MBL2: variants seen among roughly 807,000 people sequenced by gnomAD.
MBL2 encodes mannose-binding protein C.
MBL2 carries 6 observed loss-of-function variants against 12.7 expected under a neutral mutation model. The ratio of observed to expected loss-of-function variants is 0.47; its 90% confidence interval spans 0.26 to 0.94. The LOEUF is 0.94. Ranked by LOEUF, MBL2 falls within the 40% of genes least tolerant of loss-of-function variation. The pLI is 0.15. For synonymous variants in MBL2, 114 were observed against 112.0 expected (o/e 1.02, Z -0.11); for missense variants, 307 against 295.2 (o/e 1.04, Z -0.29).
Position 52,770,740 on chromosome 10 carries a change from A to G in MBL2, c.234T>C (p.Pro78=). Residue 78 remains proline, a synonymous_variant, in exon 3 of 5, where the codon CCT becomes CCC. Coordinates refer to ENST00000674931, the MANE Select transcript of MBL2 (RefSeq NM_001378373.1). ...ACCCAGAAGGCCCTGGATTTCCTGGAGGCCCCAACTTTCCAGGGGGGCCCT... is the reference window on the plus strand; with the variant it reads ...ACCCAGAAGGCCCTGGATTTCCTGGGGGCCCCAACTTTCCAGGGGGGCCCT... ...GLQGPPGKLG[P]PGNPGPSGSP... 2 of 1,519,786 alleles carry G rather than the reference A, an allele frequency of 1.3e-6. No individual in the cohort carries two copies. The highest frequency in any genetic ancestry group is 2.5e-5 in the East Asian group (1 of 40,210). 94.1% of individuals were successfully genotyped at this position (1,519,786 alleles called of 1,614,324 possible). A position where few individuals can be genotyped will look rare whatever the true frequency, so the allele number is the denominator to read the frequency against.
rs370571813 is a variant in MBL2, at chr10:52,770,760, G to C, written c.214C>G (p.Pro72Ala). The change falls in exon 3 of 5, where the codon CCC becomes GCC. Residue 72 changes from proline (P) to alanine (A), a missense_variant. Pro to Ala is a conservative substitution (Grantham distance 27). Coordinates refer to ENST00000674931, the MANE Select transcript of MBL2 (RefSeq NM_001378373.1). ...PGQGLRGLQG[P>A]PGKLGPPGNP... ...CCTGGAGGCCCCAACTTTCCAGGGG[G>C]GCCCTGTAAGCCTCTGAGCCCTTGG... 2 of 1,509,700 alleles carry C rather than the reference G, an allele frequency of 1.3e-6. No homozygotes were observed. The highest frequency in any genetic ancestry group is 1.8e-6 in the Non-Finnish European group (2 of 1,122,566). 93.5% of individuals were successfully genotyped at this position (1,509,700 alleles called of 1,614,324 possible).
intron 3 of MBL2, among the ~76,000 whole-genome samples, chr10:52,770,338 A>G (rs931497558): frequency 1.3e-5 from 2 of 152,232 alleles, no homozygotes; most frequent in Non-Finnish European, 2.9e-5. Context: ...TTGTAAAAAT[A>G]GGTATAATAA....
chr10:52,769,634 G>A (rs1460075438), intron 3 of MBL2, among the ~76,000 whole-genome samples: 4 of 151,946 alleles, frequency 2.6e-5, no homozygotes, highest in Admixed American at 6.6e-5. Flanking sequence ...CAAATAAATT[G>A]TTCTATCAAA....
At chr10:52,770,845 G>T (rs902359606) in intron 2 of MBL2, 59 bp from the exon 3 acceptor site, 3 of 947,646 alleles carry the variant, frequency 3.2e-6, no homozygotes, top group Non-Finnish European at 4.5e-6. Context: ...CTCTCTTCAA[G>T]AGTTTGATGC....
rs192591672 is a variant in MBL2, at chr10:52,766,600, T to A, written c.*1537A>T. 1.0e-3 allele frequency: 159 copies of A among 152,198 alleles called. No homozygotes were observed. Among genetic ancestry groups the A allele is most frequent in the African/African-American group, 3.8e-3 (158 of 41,552 alleles). The allele number at this position is 152,198 out of a possible 1,614,324, so 9.4% of individuals were successfully genotyped here. A position where few individuals can be genotyped will look rare whatever the true frequency, so the allele number is the denominator to read the frequency against. ...AAAATCATGAAAAATATCTTATGAT[T>A]TTGGGATGGGCAAAAATTTCTTAAA... On this transcript the variant is annotated 3_prime_UTR_variant, in exon 5 of 5. Transcript: ENST00000674931.
At position 52,768,055 on chromosome 10, in the gene MBL2, T is replaced by C; in HGVS notation, c.*82A>G. On this transcript the variant is annotated 3_prime_UTR_variant, in exon 5 of 5. Coordinates refer to ENST00000674931, the MANE Select transcript of MBL2 (RefSeq NM_001378373.1). ...GGAACAATACTGGATATGAGGAAATTGATATAATTTATCTTTTCAAGCATA... is the reference window on the plus strand; with the variant it reads ...GGAACAATACTGGATATGAGGAAATCGATATAATTTATCTTTTCAAGCATA... The C allele has an allele frequency of 2.0e-6, 3 of 1,483,964 alleles. No homozygotes were observed. In the Admixed American group the frequency reaches 7.0e-5, roughly 35 times the overall value. 91.9% of individuals were successfully genotyped at this position (1,483,964 alleles called of 1,614,324 possible).
intron 3 of MBL2, 70 bp from the exon 4 acceptor site, chr10:52,769,385 G>T: frequency 1.3e-6 from 1 of 799,470 alleles, no homozygotes; most frequent in Non-Finnish European, 2.0e-6. Context: ...ATACAAGGGA[G>T]TGGAGTATCT....
In MBL2 at chr10:52,769,873, A is replaced by C. The variant is rs980635589; in HGVS notation, c.305-558T>G. On this transcript the variant is annotated intron_variant, in intron 3 of 4. Transcript: ENST00000674931. ...TCACTTGTTGTAGTAGATGGCAAAAATGGCCTCAATAGGGTACAGCTCCTC... is the reference window on the plus strand; with the variant it reads ...TCACTTGTTGTAGTAGATGGCAAAACTGGCCTCAATAGGGTACAGCTCCTC... Among the ~76,000 whole-genome samples the C allele has an allele frequency of 2.6e-5, 4 of 152,008 alleles. No individual in the cohort carries two copies. In the East Asian group the frequency reaches 7.7e-4, roughly 29 times the overall value.
Position 52,770,746 on chromosome 10 carries a change from C to T in MBL2, c.228G>A (p.Leu76=). The T allele has an allele frequency of 1.3e-6, 2 of 1,520,596 alleles. No individual in the cohort carries two copies. The highest frequency in any genetic ancestry group is 1.8e-6 in the Non-Finnish European group (2 of 1,127,424). 94.2% of individuals were successfully genotyped at this position (1,520,596 alleles called of 1,614,324 possible). The change falls in exon 3 of 5, where the codon TTG becomes TTA. Residue 76 remains leucine (L), a synonymous_variant. Transcript: ENST00000674931. ...LRGLQGPPGK[L]GPPGNPGPSG... ...AAGGCCCTGGATTTCCTGGAGGCCC[C>T]AACTTTCCAGGGGGGCCCTGTAAGC...
Position 52,768,336 on chromosome 10 carries a change from A to C in MBL2, c.548T>G (p.Phe183Cys), listed in dbSNP as rs139637221. 1.7e-5 allele frequency: 27 copies of C among 1,613,718 alleles called. 1 individual carries two copies. The African/African-American group carries it at 3.5e-4, about 21-fold the overall frequency. ...TGTCTTCTCATCAGTGATGCCCAGG[A>C]AGGCTTCCTCCTTGATGAGATTCTG... ...AIQNLIKEEAFLGITDEKTEG... is the reference protein window; with the variant it reads ...AIQNLIKEEACLGITDEKTEG... The change falls in exon 5 of 5, where the codon TTC becomes TGC. Residue 183 changes from phenylalanine to cysteine, a missense_variant. Physicochemically the swap from Phe to Cys is radical, Grantham distance 205 (BLOSUM62 -2). Coordinates refer to ENST00000674931, the MANE Select transcript of MBL2 (RefSeq NM_001378373.1).
Position 52,771,610 on chromosome 10 carries a change from A to G in MBL2, c.26T>C (p.Leu9Pro), listed in dbSNP as rs1049360705. 1.9e-6 allele frequency: 3 copies of G among 1,613,748 alleles called. No homozygotes were observed. The highest frequency in any genetic ancestry group is 2.5e-6 in the Non-Finnish European group (3 of 1,179,856). Reference protein sequence around the residue: MSLFPSLPLLLLSMVAASY... With the variant: MSLFPSLPPLLLSMVAASY... ...CGCTGCCACCATACTCAGGAGAAGG[A>G]GAGGGAGTGATGGAAACAGGGACAT... The change falls in exon 2 of 5, where the codon CTC (leucine) becomes CCC (proline). Residue 9 changes from leucine (L) to proline (P), a missense_variant. Transcript: ENST00000674931.
In MBL2 at chr10:52,767,322, C is replaced by A. The variant is rs56129213; in HGVS notation, c.*815G>T. 1.3e-5 allele frequency: 2 copies of A among 151,964 alleles called. No individual in the cohort carries two copies. The highest frequency in any genetic ancestry group is 2.9e-5 in the Non-Finnish European group (2 of 68,016). The allele number at this position is 151,964 out of a possible 1,614,324, so 9.4% of individuals were successfully genotyped here. ...CTACATGGCAATGAAAAGGATGAAACTTTTGTACACATGACATGAATGAAT... is the reference window on the plus strand; with the variant it reads ...CTACATGGCAATGAAAAGGATGAAAATTTTGTACACATGACATGAATGAAT... On this transcript the variant is annotated 3_prime_UTR_variant, in exon 5 of 5. Transcript: ENST00000674931.
Position 52,772,268 on chromosome 10 carries a change from G to A in MBL2, c.-10+469C>T, listed in dbSNP as rs35451939. ...TTGGTGTTTTAGACAGGCTTGCCTGGGTAAGCATTTTCTCTGGAAATTTCT... is the reference window on the plus strand; with the variant it reads ...TTGGTGTTTTAGACAGGCTTGCCTGAGTAAGCATTTTCTCTGGAAATTTCT... On this transcript the variant is annotated intron_variant, in intron 1 of 4. Transcript: ENST00000674931. Among the ~76,000 whole-genome samples, 322 of 152,172 alleles carry A rather than the reference G, an allele frequency of 2.1e-3. 1 individual carries two copies. Among genetic ancestry groups the A allele is most frequent in the African/African-American group, 7.0e-3 (292 of 41,522 alleles).
At chr10:52,771,814 C>A in intron 1 of MBL2, 170 bp from the exon 2 acceptor site, 1 of 911,126 alleles carries the variant, frequency 1.1e-6, no homozygotes, top group Non-Finnish European at 1.6e-6. Flanking sequence ...CACTGCGTGA[C>A]TAGTACTTTA....
In MBL2 at chr10:52,768,066, A is replaced by G; in HGVS notation, c.*71T>C. Reference sequence around the variant, plus strand: ...GGATATGAGGAAATTGATATAATTTATCTTTTCAAGCATACTGTGGGCCTG... The same window carrying G: ...GGATATGAGGAAATTGATATAATTTGTCTTTTCAAGCATACTGTGGGCCTG... On this transcript the variant is annotated 3_prime_UTR_variant, in exon 5 of 5. Transcript: ENST00000674931. The G allele has an allele frequency of 6.7e-7, 1 of 1,500,028 alleles. No individual in the cohort carries two copies. The highest frequency in any genetic ancestry group is 8.9e-7 in the Non-Finnish European group (1 of 1,121,726). The allele number at this position is 1,500,028 out of a possible 1,614,324, so 92.9% of individuals were successfully genotyped here.
rs1421925166 is a variant in MBL2 at position 52,766,515 on chromosome 10, G to GA, written c.*1621dup. On this transcript the variant is annotated 3_prime_UTR_variant, in exon 5 of 5. Coordinates refer to ENST00000674931, the MANE Select transcript of MBL2 (RefSeq NM_001378373.1). ...AGAATGTTTATTAATAAAACTATTA[G>GA]AAAAAAATGGAAAAATATCTTCATG... The GA allele has an allele frequency of 2.6e-5, 4 of 151,788 alleles. No homozygotes were observed. The highest frequency in any genetic ancestry group is 1.9e-4 in the East Asian group (1 of 5,170). The allele number at this position is 151,788 out of a possible 1,614,324, so 9.4% of individuals were successfully genotyped here. A position where few individuals can be genotyped will look rare whatever the true frequency, so the allele number is the denominator to read the frequency against.
intron 3 of MBL2, among the ~76,000 whole-genome samples, chr10:52,769,753 G>GTTTTGT (rs1840363272): frequency 6.6e-6 from 1 of 152,216 alleles, no homozygotes; most frequent in East Asian, 1.9e-4. Flanking sequence ...GATGTCTTTT[G>GTTTTGT]TTTTGTTTTT....
In MBL2 at chr10:52,768,016, G is replaced by T; in HGVS notation, c.*121C>A. 7.9e-7 allele frequency: 1 copy of T among 1,262,020 alleles called. No homozygotes were observed. The highest frequency in any genetic ancestry group is 1.7e-5 in the South Asian group (1 of 58,668). 78.2% of individuals were successfully genotyped at this position (1,262,020 alleles called of 1,614,324 possible). ...GGTGCTGTTAGTGATCATTTTTAGT[G>T]ATTGCCCACAAAAGGAACAATACTG... On this transcript the variant is annotated 3_prime_UTR_variant, in exon 5 of 5. Coordinates refer to ENST00000674931, the MANE Select transcript of MBL2 (RefSeq NM_001378373.1).
chr10:52,769,361 T>C (rs778904504), intron 3 of MBL2, 46 bp from the exon 4 acceptor site: 7 of 1,256,420 alleles, frequency 5.6e-6, no homozygotes. Context: ...AGAAGGAGCC[T>C]CAGAACTGTG....
Sources: allele counts gnomAD v4.1 joint callset (sites outside exome capture counted in the v4.1 genomes callset), GRCh38; gene constraint gnomAD v4.1.1; transcripts MANE v1.5; gene names NCBI Gene and HGNC (gene_info 2026-07-23, HGNC 2026-07-21).